The following CLSTN2 variants were observed in gnomAD, a reference collection of about 807,000 sequenced individuals.
CLSTN2 encodes the protein calsyntenin-2.
CLSTN2 carries 48 observed loss-of-function variants against 101.2 expected under a neutral mutation model. The observed-to-expected ratio is 0.47, with a 90% confidence interval of 0.38 to 0.60. CLSTN2 has a LOEUF of 0.60. Ranked by LOEUF, CLSTN2 falls within the 20% of genes least tolerant of loss-of-function variation. The pLI is 0.00. For synonymous variants in CLSTN2, 481 were observed against 463.6 expected, an observed-to-expected ratio of 1.04 and a Z score of -0.48; for missense variants, 1,160 against 1,238.2, an observed-to-expected ratio of 0.94 and a Z score of 0.95.
At chr3:140,220,105 C>A (rs17402510) in intron 2 of CLSTN2, among the ~76,000 whole-genome samples, 42,362 of 152,128 alleles carry the variant, frequency 0.28, 6,776 homozygotes, top group Middle Eastern at 0.38. Context: ...ACTGCCTCTA[C>A]TGCTTTTCCT....
At chr3:140,558,903 T>A in intron 12 of CLSTN2, 46 bp downstream of exon 12, 1 of 1,479,092 alleles carries the variant, frequency 6.8e-7, no homozygotes, top group South Asian at 1.2e-5. Context: ...CTTAATTTTT[T>A]ACAGCCATGT....
chr3:140,013,190 T>A, intron 1 of CLSTN2, among the ~76,000 whole-genome samples: 1 of 152,232 alleles, frequency 6.6e-6, no homozygotes, highest in East Asian at 1.9e-4. Context: ...CAAACAGTTA[T>A]CATGTACTTT....
intron 1 of CLSTN2, among the ~76,000 whole-genome samples, chr3:140,153,538 G>A (rs2009902481): frequency 1.3e-5 from 2 of 152,246 alleles, no homozygotes; most frequent in Admixed American, 1.3e-4. Context: ...GTGCACCTGT[G>A]TGTATGTTGT....
chr3:140,129,873 T>A (rs756179484), intron 1 of CLSTN2, among the ~76,000 whole-genome samples: 2 of 152,120 alleles, frequency 1.3e-5, no homozygotes, highest in Non-Finnish European at 2.9e-5. Flanking sequence ...GAGCCCCTTG[T>A]CACATGTCGG....
chr3:140,544,602 C>T (rs1357498444), intron 9 of CLSTN2, among the ~76,000 whole-genome samples: 1 of 152,116 alleles, frequency 6.6e-6, no homozygotes, highest in Non-Finnish European at 1.5e-5. Flanking sequence ...GGCTAAGAAC[C>T]ACCATATTTT....
At chr3:140,331,721 G>A (rs1272746063) in intron 2 of CLSTN2, among the ~76,000 whole-genome samples, 1 of 152,106 alleles carries the variant, frequency 6.6e-6, no homozygotes, top group Non-Finnish European at 1.5e-5. Flanking sequence ...TGTAACCAAG[G>A]CAGTTAGTCT....
chr3:140,069,274 T>A (rs939494501), intron 1 of CLSTN2, among the ~76,000 whole-genome samples: 8 of 151,988 alleles, frequency 5.3e-5, no homozygotes, highest in Non-Finnish European at 1.2e-4. Flanking sequence ...TGGTCTGGAG[T>A]CAGTGGCTGC....
chr3:140,438,431 T>TAAAAAAAAAA lies in CLSTN2; in HGVS notation c.788-10075_788-10066dup, dbSNP rs60186664. On this transcript the variant is annotated intron_variant, in intron 5 of 16. Coordinates refer to ENST00000458420, the MANE Select transcript of CLSTN2 (RefSeq NM_022131.3). ...CCACCTAGGAAAATGGTCCTTTCAT[T>TAAAAAAAAAA]AAAAAAAAAAAAAAAAAAAAAAGCT... 1.7e-3 allele frequency among the ~76,000 whole-genome samples: 78 copies of TAAAAAAAAAA among 45,670 alleles called. 13 individuals are homozygous for TAAAAAAAAAA. The highest frequency in any genetic ancestry group is 9.2e-3 in the Admixed American group (21 of 2,292). 30.0% of individuals were successfully genotyped at this position (45,670 alleles called of 152,430 possible).
At chr3:140,248,137 T>G (rs2086531976) in intron 2 of CLSTN2, among the ~76,000 whole-genome samples, 1 of 152,188 alleles carries the variant, frequency 6.6e-6, no homozygotes, top group Non-Finnish European at 1.5e-5. Context: ...GGGTATCTGA[T>G]GGAGGAGCAG....
At chr3:140,227,317 G>A (rs1035133059) in intron 2 of CLSTN2, among the ~76,000 whole-genome samples, 1 of 152,226 alleles carries the variant, frequency 6.6e-6, no homozygotes, top group Non-Finnish European at 1.5e-5. Flanking sequence ...ATCCAGCAGG[G>A]CAGTCAAATC....
At chr3:140,530,297 C>CAAAT (rs1173849863) in intron 8 of CLSTN2, among the ~76,000 whole-genome samples, 2 of 152,286 alleles carry the variant, frequency 1.3e-5, no homozygotes, top group Non-Finnish European at 2.9e-5. Context: ...CAGTGTGATC[C>CAAAT]AAATAGACCT....
intron 1 of CLSTN2, among the ~76,000 whole-genome samples, chr3:140,168,780 AC>A (rs1437536540): frequency 2.0e-5 from 3 of 152,020 alleles, no homozygotes; most frequent in Non-Finnish European, 4.4e-5. Context: ...TTGTCTTAGA[AC>A]CTTTGTCAGA....
In CLSTN2 at chr3:140,359,993, TACAC is replaced by T. The variant is rs55746611; in HGVS notation, c.233-43604_233-43601del. On this transcript the variant is annotated intron_variant, in intron 2 of 16. Transcript: ENST00000458420. Reference sequence around the variant, plus strand: ...TATACACACATACATACATATTTTATACACACACACACACACACACACACACACA... The same window carrying T: ...TATACACACATACATACATATTTTATACACACACACACACACACACACACA... Among the ~76,000 whole-genome samples, 887 of 145,940 alleles carry T rather than the reference TACAC, an allele frequency of 6.1e-3. 5 individuals are homozygous for T. Among genetic ancestry groups the T allele is most frequent in the African/African-American group, 0.015 (582 of 39,604 alleles).
At chr3:140,242,843 G>T (rs80009411) in intron 2 of CLSTN2, among the ~76,000 whole-genome samples, 2 of 152,186 alleles carry the variant, frequency 1.3e-5, no homozygotes, top group African/African-American at 4.8e-5. Flanking sequence ...ACACTGCACC[G>T]TTATGGCCTT....
intron 1 of CLSTN2, among the ~76,000 whole-genome samples, chr3:140,049,097 G>A (rs548744339): frequency 6.6e-6 from 1 of 152,336 alleles, no homozygotes; most frequent in East Asian, 1.9e-4. Flanking sequence ...AAGGGACTGG[G>A]CAAGCATGGG....
At chr3:140,024,885 A>C (rs1266794650) in intron 1 of CLSTN2, among the ~76,000 whole-genome samples, 1 of 152,256 alleles carries the variant, frequency 6.6e-6, no homozygotes, top group African/African-American at 2.4e-5. Context: ...AATAAATGGT[A>C]GTTGTGGCTA....
intron 2 of CLSTN2, among the ~76,000 whole-genome samples, chr3:140,263,074 A>C (rs1232141770): frequency 4.0e-5 from 6 of 151,570 alleles, no homozygotes; most frequent in African/African-American, 1.5e-4. Context: ...AAGAGCAAGC[A>C]AACAAAAAAA....
chr3:140,271,502 G>A (rs916725191), intron 2 of CLSTN2, among the ~76,000 whole-genome samples: 21 of 152,226 alleles, frequency 1.4e-4, no homozygotes, highest in South Asian at 8.3e-4. Context: ...AGGTGCCAGC[G>A]TTTCAGTGTC....
At chr3:140,031,415 ATCC>A (rs1256445938) in intron 1 of CLSTN2, among the ~76,000 whole-genome samples, 4 of 152,364 alleles carry the variant, frequency 2.6e-5, no homozygotes, top group East Asian at 3.9e-4. Context: ...CCAGGGAGGC[ATCC>A]TCCACTATCT....
Sources: gnomAD v4.1 joint callset for allele counts (sites outside exome capture counted in the v4.1 genomes callset) on GRCh38, gnomAD v4.1.1 for gene constraint, MANE v1.5 for transcripts, NCBI Gene and HGNC (gene_info 2026-07-23, HGNC 2026-07-21) for gene names.